The following CFAP54 variants were observed in gnomAD, a reference collection of about 807,000 sequenced individuals.
CFAP54 encodes the protein cilia and flagella associated protein 54, also known as cilia- and flagella-associated protein 54.
In CFAP54, 290 loss-of-function variants were observed where a neutral mutation model predicts 370.4. The ratio of observed to expected loss-of-function variants is 0.78; its 90% CI spans 0.71 to 0.86. The LOEUF (loss-of-function observed/expected upper bound fraction) is 0.86, where lower values mean the gene tolerates loss of function less well. CFAP54 is among the 40% of genes least tolerant of loss of function. The probability of loss-of-function intolerance (pLI) is 0.00; values close to 1 mark genes in which losing one functional copy is unlikely to be tolerated. For synonymous variants in CFAP54, 1,206 were observed against 1,236.5 expected (o/e 0.98, Z 0.52); for missense variants, 3,399 against 3,528.7 (o/e 0.96, Z 0.93).
At chr12:96,644,031 C>A in intron 32 of CFAP54, 147 bp from the exon 33 acceptor site, 1 of 636,624 alleles carries the variant, frequency 1.6e-6, no homozygotes, top group Non-Finnish European at 2.7e-6. Context: ...ATTTCTAGCA[C>A]TGCAGAAATG....
chr12:96,825,731 A>C (rs1431216649), intron 65 of CFAP54, among the ~76,000 whole-genome samples: 1 of 125,464 alleles, frequency 8.0e-6, no homozygotes, highest in Non-Finnish European at 1.6e-5. Flanking sequence ...AATATATTAT[A>C]TAAATATCAC....
At chr12:96,654,774 C>A (rs1250023214) in intron 36 of CFAP54, among the ~76,000 whole-genome samples, 1 of 151,318 alleles carries the variant, frequency 6.6e-6, no homozygotes, top group Non-Finnish European at 1.5e-5. Flanking sequence ...TTTTTAGCTG[C>A]CACATGTAAG....
chr12:96,539,844 G>A (rs1955551366), intron 13 of CFAP54, among the ~76,000 whole-genome samples: 1 of 152,134 alleles, frequency 6.6e-6, no homozygotes, highest in South Asian at 2.1e-4. Flanking sequence ...CTTTATAGGA[G>A]GGAGAAGGGT....
intron 66 of CFAP54, among the ~76,000 whole-genome samples, chr12:96,850,329 G>A (rs1959503746): frequency 8.1e-6 from 1 of 123,582 alleles, no homozygotes; most frequent in African/African-American, 3.4e-5. Flanking sequence ...CAGAGAGTGA[G>A]ACTCTGTCTT....
chr12:96,861,013 C>T (rs146068386), intron 67 of CFAP54, 61 bp downstream of exon 67: 34 of 1,271,550 alleles, frequency 2.7e-5, no homozygotes, highest in East Asian at 1.7e-4. Context: ...GTTTTTGGAA[C>T]GGTCCTCTTA....
In CFAP54 at chr12:96,706,952, G is replaced by A. The variant is rs1957553455; in HGVS notation, c.6529-1656G>A. On this transcript the variant is annotated intron_variant, in intron 47 of 67. Transcript: ENST00000524981. ...TCAGAAGAGAGGTTGGAGCTACAGCGAAAAAGTTGTGATTTCATCAGCATT... is the reference window on the plus strand; with the variant it reads ...TCAGAAGAGAGGTTGGAGCTACAGCAAAAAAGTTGTGATTTCATCAGCATT... Among the ~76,000 whole-genome samples the A allele has an allele frequency of 2.0e-5, 3 of 152,098 alleles. No individual in the cohort carries two copies. In the South Asian group the frequency reaches 6.2e-4, roughly 32 times the overall value.
intron 17 of CFAP54, among the ~76,000 whole-genome samples, chr12:96,556,142 T>C (rs1955748400): frequency 6.6e-6 from 1 of 151,874 alleles, no homozygotes; most frequent in African/African-American, 2.4e-5. Flanking sequence ...AAAAAAAATC[T>C]TAAAAACTTT....
At chr12:96,844,879 C>T (rs929002540) in intron 66 of CFAP54, among the ~76,000 whole-genome samples, 2 of 152,196 alleles carry the variant, frequency 1.3e-5, no homozygotes, top group African/African-American at 4.8e-5. Context: ...CCACCTGACT[C>T]AGTTTCCTGC....
chr12:96,691,136 T>C lies in CFAP54; in HGVS notation c.6090T>C (p.Leu2030=). The C allele has an allele frequency of 6.2e-7, 1 of 1,613,200 alleles. No individual in the cohort carries two copies. The highest frequency in any genetic ancestry group is 8.5e-7 in the Non-Finnish European group (1 of 1,179,618). ...ILSALLFQGL[L]RTTLPHPKAE... is the part of the protein sequence containing the mutation. ...CTTTTTTTCATTTTCAGGGTTTGCT[T>C]AGAACAACACTTCCACATCCCAAAG... Residue 2030 remains leucine (L), a synonymous_variant, in exon 44 of 68, where the codon CTT becomes CTC. Coordinates refer to ENST00000524981, the MANE Select transcript of CFAP54 (RefSeq NM_001306084.2).
chr12:96,830,030 C>T (rs540522606), intron 66 of CFAP54, among the ~76,000 whole-genome samples: 76 of 152,054 alleles, frequency 5.0e-4, no homozygotes, highest in Non-Finnish European at 9.0e-4. Flanking sequence ...TAAAGTTATC[C>T]GTGTTGTAAC....
intron 38 of CFAP54, among the ~76,000 whole-genome samples, chr12:96,660,375 C>T (rs1956980285): frequency 6.6e-6 from 1 of 152,182 alleles, no homozygotes; most frequent in Non-Finnish European, 1.5e-5. Flanking sequence ...TCTTGGACCC[C>T]TTTTCTTCTC....
chr12:96,727,883 ATC>A (rs1957863013), intron 50 of CFAP54, among the ~76,000 whole-genome samples: 1 of 148,874 alleles, frequency 6.7e-6, no homozygotes, highest in Non-Finnish European at 1.5e-5. Flanking sequence ...TGGTGACAAA[ATC>A]TCTCAGCATT....
chr12:96,751,291 G>C (rs1164161177), intron 55 of CFAP54, among the ~76,000 whole-genome samples: 1 of 152,122 alleles, frequency 6.6e-6, no homozygotes, highest in Admixed American at 6.6e-5. Context: ...TAGGAAGCCA[G>C]TCCTCATCTC....
At chr12:96,535,653 C>A in intron 12 of CFAP54, 53 bp downstream of exon 12, 2 of 1,239,828 alleles carry the variant, frequency 1.6e-6, no homozygotes, top group Non-Finnish European at 2.2e-6. Flanking sequence ...GGTTTTTGTG[C>A]CTAACTTAAG....
chr12:96,632,409 A>T (rs1369300267), intron 32 of CFAP54, among the ~76,000 whole-genome samples: 1 of 152,076 alleles, frequency 6.6e-6, no homozygotes, highest in African/African-American at 2.4e-5. Context: ...TAGGAATTTC[A>T]TTAATTTGTT....
chr12:96,855,108 C>G (rs1412200661), intron 66 of CFAP54, among the ~76,000 whole-genome samples: 1 of 152,090 alleles, frequency 6.6e-6, no homozygotes, highest in Admixed American at 6.5e-5. Context: ...GGAAAAGGCC[C>G]TGATAAAACC....
rs750490460 is a variant in CFAP54, at chr12:96,720,492, G to A, written c.6892G>A (p.Glu2298Lys). 3.7e-6 allele frequency: 6 copies of A among 1,603,330 alleles called. No individual in the cohort carries two copies. The highest frequency in any genetic ancestry group is 4.3e-6 in the Non-Finnish European group (5 of 1,173,840). ...GACCCTGTCTCAGTGCTCCGCTGGC[G>A]AGCTGGAGATTGTGGTGGAGGCCCG... ...QKTLSQCSAG[E>K]LEIVVEARLQ... is the part of the protein sequence containing the mutation. Residue 2298 changes from glutamate to lysine, a missense_variant, in exon 50 of 68, where the codon GAG becomes AAG. By Grantham distance (56) the Glu-to-Lys change is moderately conservative (BLOSUM62 1). Around this residue, in one of 3 missense-constraint regions of CFAP54, gnomAD observed 2,796 missense variants for 2,869.7 expected, o/e 0.97. Transcript: ENST00000524981.
At chr12:96,777,541 G>T (rs7962868) in intron 60 of CFAP54, among the ~76,000 whole-genome samples, 46,421 of 151,674 alleles carry the variant, frequency 0.31, 7,458 homozygotes, top group South Asian at 0.54. Flanking sequence ...TAGAGACGGG[G>T]TTTCTCCATG....
At chr12:96,630,690 A>G in intron 32 of CFAP54, 39 bp downstream of exon 32, 1 of 1,295,156 alleles carries the variant, frequency 7.7e-7, no homozygotes. Context: ...AGTTTACTTG[A>G]GGGTAACTAT....
Sources: gnomAD v4.1 joint callset for allele counts (sites outside exome capture counted in the v4.1 genomes callset) on GRCh38, gnomAD v4.1.1 for gene constraint, gnomAD v4.1.1 regional missense constraint, MANE v1.5 for transcripts, NCBI Gene and HGNC (gene_info 2026-07-23, HGNC 2026-07-21) for gene names.